The following NOL4 variants were observed in gnomAD, a reference collection of about 807,000 sequenced individuals.
NOL4 encodes nucleolar protein 4.
A neutral mutation model predicts 75.9 loss-of-function variants in NOL4; 17 were observed. The observed-to-expected ratio is 0.22, with a 90% CI of 0.15 to 0.34. The LOEUF (loss-of-function observed/expected upper bound fraction) is 0.34. Ranked by LOEUF, NOL4 falls within the 10% of genes least tolerant of loss-of-function variation. The pLI, the probability that NOL4 is intolerant of heterozygous loss-of-function variation, is 1.00. For missense variants in NOL4, 614 were observed against 793.5 expected, an observed-to-expected ratio of 0.77 and a Z score of 2.72; for synonymous variants, 292 against 289.9, an observed-to-expected ratio of 1.01 and a Z score of -0.07.
intron 1 of NOL4, among the ~76,000 whole-genome samples, chr18:34,203,965 A>T (rs1024529332): frequency 1.3e-5 from 2 of 152,172 alleles, no homozygotes; most frequent in African/African-American, 4.8e-5. Context: ...ATTTCTATTT[A>T]AAAAATTAAT....
intron 1 of NOL4, among the ~76,000 whole-genome samples, chr18:34,194,231 CA>C (rs1238039013): frequency 6.6e-6 from 1 of 151,886 alleles, no homozygotes; most frequent in Non-Finnish European, 1.5e-5. Flanking sequence ...ATTCTCATCA[CA>C]AAAAAGTATG....
chr18:34,128,677 T>C (rs942853641), intron 2 of NOL4, among the ~76,000 whole-genome samples: 1 of 151,754 alleles, frequency 6.6e-6, no homozygotes, highest in African/African-American at 2.4e-5. Context: ...AACCATGCAA[T>C]TTGGAAACAG....
At chr18:33,915,599 T>C (rs2066671021) in intron 9 of NOL4, among the ~76,000 whole-genome samples, 1 of 152,182 alleles carries the variant, frequency 6.6e-6, no homozygotes, top group East Asian at 1.9e-4. Flanking sequence ...CATGAAATGC[T>C]CATCCTAAAT....
intron 6 of NOL4, among the ~76,000 whole-genome samples, chr18:34,014,466 A>G (rs1235428969): frequency 1.3e-5 from 2 of 152,054 alleles, no homozygotes; most frequent in Admixed American, 6.6e-5. Context: ...TAAAAGATAA[A>G]TAGAAAACAA....
intron 5 of NOL4, among the ~76,000 whole-genome samples, chr18:34,044,705 T>A (rs1266731157): frequency 6.6e-6 from 1 of 152,206 alleles, no homozygotes; most frequent in Non-Finnish European, 1.5e-5. Context: ...TATAATTAAA[T>A]GCAATATATG....
intron 2 of NOL4, among the ~76,000 whole-genome samples, chr18:34,112,110 T>G (rs566865106): frequency 5.0e-4 from 76 of 152,238 alleles, no homozygotes; most frequent in African/African-American, 1.7e-3. Flanking sequence ...GGCCCACACC[T>G]GCAATCCCAG....
Position 34,184,005 on chromosome 18 carries a change from TA to T in NOL4, c.264+38984del, listed in dbSNP as rs545069493. Among the ~76,000 whole-genome samples, 781 of 151,666 alleles carry T rather than the reference TA, an allele frequency of 5.1e-3. 8 individuals carry two copies. The highest frequency in any genetic ancestry group is 0.018 in the African/African-American group (740 of 41,462). ...AAATGAATATAAAATGTATTCAAGATAAAAAAATGCAACTGATAGGATATGA... is the reference window on the plus strand; with the variant it reads ...AAATGAATATAAAATGTATTCAAGATAAAAAATGCAACTGATAGGATATGA... On this transcript the variant is annotated intron_variant, in intron 1 of 10. Coordinates refer to ENST00000261592, the MANE Select transcript of NOL4 (RefSeq NM_003787.5).
chr18:34,023,317 T>C, intron 5 of NOL4: 2 of 424,562 alleles, frequency 4.7e-6, no homozygotes. Flanking sequence ...ATGTTAACCA[T>C]TTTTATTCTC....
At chr18:34,164,496 T>C (rs1399773785) in intron 1 of NOL4, among the ~76,000 whole-genome samples, 3 of 152,164 alleles carry the variant, frequency 2.0e-5, no homozygotes, top group Non-Finnish European at 2.9e-5. Context: ...GAAAAAATGC[T>C]CACCATCACT....
At chr18:33,942,601 T>G (rs2068569448) in intron 9 of NOL4, among the ~76,000 whole-genome samples, 1 of 151,924 alleles carries the variant, frequency 6.6e-6, no homozygotes, top group Non-Finnish European at 1.5e-5. Context: ...ATTTTGTGAC[T>G]TTCTAGTCTT....
chr18:34,025,201 G>A (rs754235261), intron 5 of NOL4, among the ~76,000 whole-genome samples: 1 of 152,032 alleles, frequency 6.6e-6, no homozygotes, highest in South Asian at 2.1e-4. Flanking sequence ...TGCCAGAATG[G>A]TCCCATTTTT....
At chr18:34,116,852 C>T (rs2079883912) in intron 2 of NOL4, among the ~76,000 whole-genome samples, 1 of 152,082 alleles carries the variant, frequency 6.6e-6, no homozygotes, top group Admixed American at 6.6e-5. Context: ...AGAATTTGAC[C>T]ATGTCTTCTT....
intron 10 of NOL4, among the ~76,000 whole-genome samples, chr18:33,854,867 A>G (rs1056073389): frequency 1.5e-4 from 23 of 151,786 alleles, no homozygotes; most frequent in African/African-American, 5.6e-4. Context: ...AGTGAGGGAG[A>G]TTGATTTTAT....
At chr18:34,128,917 ATTG>A in intron 2 of NOL4, 2 of 922,130 alleles carry the variant, frequency 2.2e-6, no homozygotes, top group Non-Finnish European at 1.3e-6. Flanking sequence ...CCAGACTGAT[ATTG>A]TATATCAATA....
intron 2 of NOL4, among the ~76,000 whole-genome samples, chr18:34,119,991 A>T (rs2080062892): frequency 6.6e-6 from 1 of 152,214 alleles, no homozygotes. Context: ...ATTCTAGATA[A>T]ACATACAATA....
chr18:34,072,873 A>G (rs557468033), intron 5 of NOL4, among the ~76,000 whole-genome samples: 23 of 152,326 alleles, frequency 1.5e-4, no homozygotes, highest in African/African-American at 5.3e-4. Context: ...ATCACAAAAC[A>G]TTGTAAAATA....
chr18:34,100,509 T>G (rs1049716182), intron 4 of NOL4, among the ~76,000 whole-genome samples: 3 of 152,182 alleles, frequency 2.0e-5, no homozygotes, highest in Admixed American at 2.0e-4. Context: ...TTCAGTATAA[T>G]TGACTTATCA....
At position 34,024,569 on chromosome 18, in the gene NOL4, C is replaced by CA. The variant is rs145809994; in HGVS notation, c.773-4969dup. On this transcript the variant is annotated intron_variant, in intron 5 of 10. Coordinates refer to ENST00000261592, the MANE Select transcript of NOL4 (RefSeq NM_003787.5). ...TTTCCCAGGCTCAAAACAAAACAAACAACAACAACAACAACAAAGGAAGCT... is the reference window on the plus strand; with the variant it reads ...TTTCCCAGGCTCAAAACAAAACAAACAAACAACAACAACAACAAAGGAAGCT... Among the ~76,000 whole-genome samples, 385 of 151,808 alleles carry CA rather than the reference C, an allele frequency of 2.5e-3. 2 individuals carry two copies. The highest frequency in any genetic ancestry group is 8.9e-3 in the African/African-American group (370 of 41,406).
At chr18:33,934,857 A>G (rs1361181176) in intron 9 of NOL4, among the ~76,000 whole-genome samples, 1 of 145,678 alleles carries the variant, frequency 6.9e-6, no homozygotes, top group Admixed American at 6.8e-5. Context: ...TCACTGGAGT[A>G]GCACGTTTTT....
Sources: allele counts gnomAD v4.1 joint callset (sites outside exome capture counted in the v4.1 genomes callset), GRCh38; gene constraint gnomAD v4.1.1; transcripts MANE v1.5; gene names NCBI Gene and HGNC (gene_info 2026-07-23, HGNC 2026-07-21).